Variants in EPS15 observed in about 807,000 individuals in gnomAD.
EPS15 encodes the protein epidermal growth factor receptor substrate 15.
A neutral mutation model predicts 113.8 loss-of-function variants in EPS15; 72 were observed. The observed-to-expected ratio is 0.63, with a 90% CI of 0.52 to 0.77. The LOEUF is 0.77. Ranked by LOEUF, EPS15 falls within the 30% of genes least tolerant of loss-of-function variation. The probability of loss-of-function intolerance (pLI) is 0.00; values close to 1 mark genes in which losing one functional copy is unlikely to be tolerated. For missense variants in EPS15, 1,048 were observed against 1,045.8 expected, an observed-to-expected ratio of 1.00 and a Z score of -0.03; for synonymous variants, 344 against 363.4, an observed-to-expected ratio of 0.95 and a Z score of 0.61.
At chr1:51,470,625 T>TAAC (rs1241216582) in intron 4 of EPS15, among the ~76,000 whole-genome samples, 1 of 119,750 alleles carries the variant, frequency 8.4e-6, no homozygotes, top group Non-Finnish European at 1.6e-5. Flanking sequence ...CCAGCCTGGG[T>TAAC]AACAGATCAG....
intron 21 of EPS15, among the ~76,000 whole-genome samples, chr1:51,388,204 C>A (rs1371229364): frequency 1.3e-5 from 2 of 152,198 alleles, no homozygotes; most frequent in South Asian, 4.1e-4. Context: ...ACTGAACAAC[C>A]TGCTCCTGAA....
chr1:51,393,745 A>G (rs944041640), intron 21 of EPS15, among the ~76,000 whole-genome samples: 7 of 152,228 alleles, frequency 4.6e-5, no homozygotes, highest in African/African-American at 1.7e-4. Context: ...GTAGAAAAGA[A>G]GCAGAGTTAC....
At chr1:51,443,981 G>T (rs1035042688) in intron 11 of EPS15, among the ~76,000 whole-genome samples, 1 of 151,920 alleles carries the variant, frequency 6.6e-6, no homozygotes, top group Non-Finnish European at 1.5e-5. Context: ...TTTAAAATGG[G>T]ATTTTTAAGA....
intron 2 of EPS15, among the ~76,000 whole-genome samples, chr1:51,479,525 G>A (rs1211765996): frequency 6.6e-6 from 1 of 152,146 alleles, no homozygotes; most frequent in African/African-American, 2.4e-5. Flanking sequence ...TCCTTTGGAG[G>A]AGAAGAGGTG....
intron 10 of EPS15, among the ~76,000 whole-genome samples, chr1:51,445,867 GA>G (rs1278290957): frequency 1.3e-5 from 2 of 152,228 alleles, no homozygotes; most frequent in South Asian, 4.2e-4. Flanking sequence ...CCCATCTTGC[GA>G]AATTACTATG....
chr1:51,383,496 A>G (rs1366110817), intron 21 of EPS15, among the ~76,000 whole-genome samples: 4 of 152,240 alleles, frequency 2.6e-5, no homozygotes, highest in African/African-American at 9.6e-5. Flanking sequence ...ATCAGGTGTT[A>G]GATTCTCATA....
intron 13 of EPS15, 56 bp from the exon 14 acceptor site, chr1:51,409,752 G>A: frequency 8.1e-7 from 1 of 1,239,878 alleles, no homozygotes; most frequent in Non-Finnish European, 1.2e-6. Flanking sequence ...GGAGGGTTAA[G>A]TTAGTAATTT....
chr1:51,355,446 T>C lies in EPS15; in HGVS notation c.*1254A>G, dbSNP rs1305053054. The stretch of plus-strand genomic sequence containing the variant: ...AAGTTACAGCTTACTTCACAGTCTA[T>C]TTCAAATTCAGCTTGTCCACTAGGT... On this transcript the variant is annotated 3_prime_UTR_variant, in exon 25 of 25. Coordinates refer to ENST00000371733, the MANE Select transcript of EPS15 (RefSeq NM_001981.3). 1 of 197,548 alleles carries C rather than the reference T, an allele frequency of 5.1e-6. No homozygotes were observed. The highest frequency in any genetic ancestry group is 1.0e-5 in the Non-Finnish European group (1 of 95,420). The allele number at this position is 197,548 out of a possible 1,614,324, so 12.2% of individuals were successfully genotyped here. A position where few individuals can be genotyped will look rare whatever the true frequency, so the allele number is the denominator to read the frequency against.
intron 12 of EPS15, among the ~76,000 whole-genome samples, chr1:51,428,610 T>C (rs1651424520): frequency 6.6e-6 from 1 of 152,018 alleles, no homozygotes; most frequent in African/African-American, 2.4e-5. Flanking sequence ...ATGGATCACC[T>C]GAGGTCAGGA....
chr1:51,466,611 G>A (rs193151815), intron 5 of EPS15, among the ~76,000 whole-genome samples: 19 of 150,582 alleles, frequency 1.3e-4, no homozygotes, highest in Non-Finnish European at 2.4e-4. Context: ...TGACAAGAGC[G>A]AAACTCCCTC....
At chr1:51,441,245 T>C (rs1425309874) in intron 11 of EPS15, among the ~76,000 whole-genome samples, 3 of 152,142 alleles carry the variant, frequency 2.0e-5, no homozygotes, top group African/African-American at 7.2e-5. Context: ...TTTATAAATG[T>C]AAGCTATTGT....
At chr1:51,495,684 C>CAAA (rs112390241) in intron 1 of EPS15, among the ~76,000 whole-genome samples, 4 of 145,512 alleles carry the variant, frequency 2.7e-5, no homozygotes, top group African/African-American at 7.5e-5. Context: ...AAGAATTTGG[C>CAAA]AAAAAAAAAA....
intron 21 of EPS15, among the ~76,000 whole-genome samples, chr1:51,369,908 CAAAG>C: frequency 6.6e-6 from 1 of 151,904 alleles, no homozygotes; most frequent in Middle Eastern, 3.4e-3. Context: ...TGAAAATATG[CAAAG>C]AAAAAAGGGA....
intron 2 of EPS15, 26 bp downstream of exon 2, chr1:51,481,247 G>A (rs1319886223): frequency 1.6e-6 from 2 of 1,217,312 alleles, no homozygotes; most frequent in Non-Finnish European, 2.4e-6. Context: ...GTTCAATCCA[G>A]GCAAACAATG....
chr1:51,503,423 G>A lies in EPS15; in HGVS notation c.33+15776C>T, dbSNP rs141396968. 5.9e-5 allele frequency among the ~76,000 whole-genome samples: 9 copies of A among 152,196 alleles called. No homozygotes were observed. In the East Asian group the frequency reaches 1.7e-3, roughly 29 times the overall value. On this transcript the variant is annotated intron_variant, in intron 1 of 24. Transcript: ENST00000371733. ...GGCTGAGGCGGGTGGATTACCTAAA[G>A]TCGGGAGTTTGAGACCAGCCTAGCC... is the stretch of plus-strand genomic sequence containing the variant.
intron 12 of EPS15, among the ~76,000 whole-genome samples, chr1:51,429,040 C>T (rs963254889): frequency 2.0e-5 from 3 of 152,020 alleles, no homozygotes; most frequent in Non-Finnish European, 4.4e-5. Flanking sequence ...TACAGGTATG[C>T]ACCACCACAG....
intron 10 of EPS15, among the ~76,000 whole-genome samples, 168 bp from the exon 11 acceptor site, chr1:51,445,213 C>G (rs1652932243): frequency 6.6e-6 from 1 of 152,146 alleles, no homozygotes; most frequent in South Asian, 2.1e-4. Context: ...AGAGGTAGAT[C>G]AGCTAAGATG....
intron 14 of EPS15, among the ~76,000 whole-genome samples, chr1:51,408,942 G>A (rs1464308392): frequency 6.6e-6 from 1 of 152,042 alleles, no homozygotes; most frequent in East Asian, 1.9e-4. Flanking sequence ...TGGGACTACA[G>A]GCACCCGCCA....
chr1:51,360,985 C>T (rs1646371472), intron 24 of EPS15, among the ~76,000 whole-genome samples, 186 bp downstream of exon 24: 2 of 152,206 alleles, frequency 1.3e-5, no homozygotes, highest in African/African-American at 2.4e-5. Context: ...ATCATCTGTG[C>T]GATGGAACAA....
Sources: gnomAD v4.1 joint callset for allele counts (sites outside exome capture counted in the v4.1 genomes callset) on GRCh38, gnomAD v4.1.1 for gene constraint, MANE v1.5 for transcripts, NCBI Gene and HGNC (gene_info 2026-07-23, HGNC 2026-07-21) for gene names.